The following MAMDC2 variants were observed in gnomAD, a reference collection of about 807,000 sequenced individuals.
MAMDC2 encodes MAM domain containing 2.
In MAMDC2, 57 loss-of-function variants were observed where a neutral mutation model predicts 89.8. That is an observed-to-expected ratio of 0.63 (90% CI 0.51 to 0.79). The LOEUF is 0.79. Among genes scored for constraint, MAMDC2 ranks in the 30% least tolerant of loss-of-function variants. The pLI is 0.00. For missense variants in MAMDC2, 800 were observed against 820.6 expected (o/e 0.97, Z 0.31); for synonymous variants, 313 against 293.4 (o/e 1.07, Z -0.68).
chr9:70,044,090 T>C lies in MAMDC2; in HGVS notation c.-108T>C. On this transcript the variant is annotated 5_prime_UTR_variant, in exon 1 of 14. Transcript: ENST00000377182. ...CTTTGCCTCTCGACTTCTCCCTCCTTGGGTCCCCGGCGCCCCCGCCTCCCA... is the reference window on the plus strand; with the variant it reads ...CTTTGCCTCTCGACTTCTCCCTCCTCGGGTCCCCGGCGCCCCCGCCTCCCA... 7.4e-7 allele frequency: 1 copy of C among 1,355,794 alleles called. No homozygotes were observed. The highest frequency in any genetic ancestry group is 1.2e-5 in the South Asian group (1 of 83,692). The allele number at this position is 1,355,794 out of a possible 1,614,324, so 84.0% of individuals were successfully genotyped here.
intron 11 of MAMDC2, among the ~76,000 whole-genome samples, chr9:70,202,223 G>A (rs879485942): frequency 0.015 from 2,285 of 148,764 alleles, 31 homozygotes; most frequent in Non-Finnish European, 0.023. Flanking sequence ...ACACTGCTTT[G>A]AATGTGTCCC....
At chr9:70,166,558 GC>G (rs2032185088) in intron 9 of MAMDC2, among the ~76,000 whole-genome samples, 2 of 151,926 alleles carry the variant, frequency 1.3e-5, no homozygotes, top group South Asian at 4.1e-4. Flanking sequence ...GAAATAATAT[GC>G]CCAAGTTATC....
In MAMDC2 at chr9:70,113,132, G is replaced by C; in HGVS notation, c.643G>C (p.Gly215Arg). 1 of 1,613,876 alleles carries C rather than the reference G, an allele frequency of 6.2e-7. No individual in the cohort carries two copies. Among genetic ancestry groups the C allele is most frequent in the South Asian group, 1.1e-5 (1 of 91,062 alleles). The change falls in exon 5 of 14, where the codon GGC (glycine) becomes CGC (arginine). Residue 215 changes from glycine (G) to arginine (R), a missense_variant and splice_region_variant. Transcript: ENST00000377182. ...GGATCACACCTTCAAGAGTGAACTGGGTGAGCTGGGATCAAATAGAGTCCT... is the reference window on the plus strand; with the variant it reads ...GGATCACACCTTCAAGAGTGAACTGCGTGAGCTGGGATCAAATAGAGTCCT... ...PQDHTFKSELGHYMYVDSVYV... is the reference protein window; with the variant it reads ...PQDHTFKSELRHYMYVDSVYV...
chr9:70,219,389 C>A (rs924193391), intron 12 of MAMDC2, among the ~76,000 whole-genome samples: 2 of 152,184 alleles, frequency 1.3e-5, no homozygotes, highest in African/African-American at 2.4e-5. Flanking sequence ...GTGTGACCTC[C>A]AACTAAAGGC....
chr9:70,218,687 G>A (rs1013952652), intron 12 of MAMDC2, 91 bp downstream of exon 12: 1 of 1,438,700 alleles, frequency 7.0e-7, no homozygotes, highest in Non-Finnish European at 9.2e-7. Flanking sequence ...AGAATATTTT[G>A]TTCTTTTTCA....
chr9:70,108,436 G>A lies in MAMDC2; in HGVS notation c.374G>A (p.Trp125Ter). The change falls in exon 3 of 14, where the codon TGG (tryptophan) becomes TAG (stop). Residue 125 changes from tryptophan (W) to a stop codon, truncating the protein, a stop_gained. Transcript: ENST00000377182. LOFTEE classifies it high-confidence loss of function. The part of the protein sequence containing the change: ...LWSAKEPSDS[W>*]LIASLDLQNS... ...TCAGCTAAGGAACCTTCAGACAGCT[G>A]GCTCATAGCCAGCTTGGATTTGCAA... 1 of 1,612,018 alleles carries A rather than the reference G, an allele frequency of 6.2e-7. No individual in the cohort carries two copies. Among genetic ancestry groups the A allele is most frequent in the South Asian group, 1.1e-5 (1 of 90,514 alleles).
At chr9:70,089,369 C>T (rs1827838531) in intron 2 of MAMDC2, 1 of 152,140 alleles carries the variant, frequency 6.6e-6, no homozygotes, top group South Asian at 2.1e-4. Context: ...GCAAATAATC[C>T]CTTGCCCTTT....
At position 70,108,433 on chromosome 9, in the gene MAMDC2, G is replaced by C; in HGVS notation, c.371G>C (p.Ser124Thr). 1 of 1,612,360 alleles carries C rather than the reference G, an allele frequency of 6.2e-7. No homozygotes were observed. The highest frequency in any genetic ancestry group is 8.5e-7 in the Non-Finnish European group (1 of 1,179,452). ...LLWSAKEPSD[S>T]WLIASLDLQN... Reference sequence around the variant, plus strand: ...TGGTCAGCTAAGGAACCTTCAGACAGCTGGCTCATAGCCAGCTTGGATTTG... The same window carrying C: ...TGGTCAGCTAAGGAACCTTCAGACACCTGGCTCATAGCCAGCTTGGATTTG... Residue 124 changes from serine (S) to threonine (T), a missense_variant, in exon 3 of 14, where the codon AGC (serine) becomes ACC (threonine). By Grantham distance (58) the Ser-to-Thr change is moderately conservative. Transcript: ENST00000377182.
chr9:70,108,920 A>C (rs1028506736), intron 3 of MAMDC2, among the ~76,000 whole-genome samples: 6 of 152,224 alleles, frequency 3.9e-5, no homozygotes, highest in Non-Finnish European at 5.9e-5. Flanking sequence ...AAAAGAGAAA[A>C]GATACTTAAA....
chr9:70,154,957 C>A (rs999853042), intron 9 of MAMDC2, among the ~76,000 whole-genome samples: 2 of 152,084 alleles, frequency 1.3e-5, no homozygotes, highest in Non-Finnish European at 2.9e-5. Flanking sequence ...AAATCCCAAT[C>A]CTTTCCCTGC....
At chr9:70,106,850 C>T (rs1828355832) in intron 2 of MAMDC2, among the ~76,000 whole-genome samples, 1 of 152,152 alleles carries the variant, frequency 6.6e-6, no homozygotes, top group Non-Finnish European at 1.5e-5. Flanking sequence ...CTAACTGTGT[C>T]CCTCATGTGA....
chr9:70,200,568 G>GT (rs1235846847), intron 11 of MAMDC2, among the ~76,000 whole-genome samples: 4 of 150,950 alleles, frequency 2.6e-5, no homozygotes, highest in Non-Finnish European at 3.0e-5. Context: ...CTTTAAAGTA[G>GT]TTTTTTCCAA....
chr9:70,110,954 C>T (rs185415237), intron 4 of MAMDC2, among the ~76,000 whole-genome samples: 1 of 152,128 alleles, frequency 6.6e-6, no homozygotes, highest in Non-Finnish European at 1.5e-5. Context: ...ATATTCTGAA[C>T]GACAACAACA....
intron 9 of MAMDC2, among the ~76,000 whole-genome samples, chr9:70,162,252 G>A (rs958563762): frequency 1.7e-4 from 26 of 152,228 alleles, no homozygotes; most frequent in African/African-American, 6.3e-4. Context: ...AACACAAACA[G>A]TCCTTTTGAA....
rs1398641435 is a variant in MAMDC2, at chr9:70,104,022, T to TG, written c.149-4186dup. Among the ~76,000 whole-genome samples the TG allele has an allele frequency of 7.3e-5, 11 of 151,116 alleles. No homozygotes were observed. The South Asian group carries it at 2.3e-3, about 31-fold the overall frequency. On this transcript the variant is annotated intron_variant, in intron 2 of 13. Transcript: ENST00000377182. ...AAAGGTGAAAAGACAAAGCACAGAA[T>TG]GGGAAAAAGTATTTGCAAATTTTCT...
chr9:70,056,259 T>C (rs561674208), intron 2 of MAMDC2, among the ~76,000 whole-genome samples: 9 of 152,344 alleles, frequency 5.9e-5, no homozygotes, highest in Non-Finnish European at 1.3e-4. Context: ...TTATTAAAAG[T>C]GAATAATAGG....
At chr9:70,213,185 C>T (rs979494539) in intron 11 of MAMDC2, among the ~76,000 whole-genome samples, 2 of 152,188 alleles carry the variant, frequency 1.3e-5, no homozygotes, top group Non-Finnish European at 2.9e-5. Flanking sequence ...ATTCTTAGGT[C>T]ATCTCTCTCA....
chr9:70,103,780 G>C (rs999962244), intron 2 of MAMDC2, among the ~76,000 whole-genome samples: 1 of 151,952 alleles, frequency 6.6e-6, no homozygotes, highest in African/African-American at 2.4e-5. Context: ...TCAGGAGTTC[G>C]AGACCAGTCT....
intron 2 of MAMDC2, among the ~76,000 whole-genome samples, chr9:70,058,461 G>A (rs1455846508): frequency 1.3e-5 from 2 of 152,168 alleles, no homozygotes; most frequent in East Asian, 1.9e-4. Context: ...TAACCCATAT[G>A]GAGTGGTTTC....
Sources: gnomAD v4.1 joint callset for allele counts (sites outside exome capture counted in the v4.1 genomes callset) on GRCh38, gnomAD v4.1.1 for gene constraint, MANE v1.5 for transcripts, NCBI Gene and HGNC (gene_info 2026-07-23, HGNC 2026-07-21) for gene names.